The following SIM1 variants were observed in gnomAD, a reference collection of about 807,000 sequenced individuals.
SIM1 encodes single-minded homolog 1.
SIM1 carries 18 observed loss-of-function variants against 78.2 expected under a neutral mutation model. That is an observed-to-expected ratio of 0.23 (90% CI 0.16 to 0.34). SIM1 has a LOEUF of 0.34. Ranked by LOEUF, SIM1 falls within the 10% of genes least tolerant of loss-of-function variation. The probability of loss-of-function intolerance (pLI) is 1.00; values close to 1 mark genes in which losing one functional copy is unlikely to be tolerated. For synonymous variants in SIM1, 417 were observed against 385.2 expected, an observed-to-expected ratio of 1.08 and a Z score of -0.97; for missense variants, 939 against 975.1, an observed-to-expected ratio of 0.96 and a Z score of 0.49.
intron 11 of SIM1, 138 bp downstream of exon 11, chr6:100,393,348 AC>A (rs1466806764): frequency 1.5e-5 from 11 of 720,448 alleles, no homozygotes; most frequent in Non-Finnish European, 2.2e-5. Flanking sequence ...AACTGAGTGA[AC>A]TTTGTTTTTA....
At chr6:100,407,775 C>T (rs1201733832) in intron 10 of SIM1, among the ~76,000 whole-genome samples, 2 of 152,054 alleles carry the variant, frequency 1.3e-5, no homozygotes, top group East Asian at 1.9e-4. Context: ...AGGTCCTTTG[C>T]TCATTTTTAA....
At chr6:100,433,738 ACC>A (rs1491445991) in intron 9 of SIM1, among the ~76,000 whole-genome samples, 2 of 41,346 alleles carry the variant, frequency 4.8e-5, no homozygotes, top group East Asian at 1.0e-3. Context: ...CCACCCCCCC[ACC>A]CACACACACA....
chr6:100,450,694 T>TCA (rs778944750), intron 3 of SIM1, among the ~76,000 whole-genome samples: 162 of 93,316 alleles, frequency 1.7e-3, no homozygotes, highest in East Asian at 0.015. Context: ...TCTCTCTCTC[T>TCA]CTCACACACA....
intron 10 of SIM1, among the ~76,000 whole-genome samples, chr6:100,409,472 T>C (rs543292778): frequency 3.9e-4 from 59 of 152,158 alleles, no homozygotes; most frequent in Admixed American, 1.2e-3. Context: ...ATTATGTTGA[T>C]CTTCTCAAAA....
rs1770530729 is a variant in SIM1, at chr6:100,387,140, TATC to T, written c.*3218_*3220del. 1 of 152,078 alleles carries T rather than the reference TATC, an allele frequency of 6.6e-6. No homozygotes were observed. The highest frequency in any genetic ancestry group is 2.4e-5 in the African/African-American group (1 of 41,452). The allele number at this position is 152,078 out of a possible 1,614,324, so 9.4% of individuals were successfully genotyped here. A position where few individuals can be genotyped will look rare whatever the true frequency, so the allele number is the denominator to read the frequency against. ...GAATTCTACAAAACCATGAGCTATG[TATC>T]ATCTAATGAATTGATACATATTATA... On this transcript the variant is annotated 3_prime_UTR_variant, in exon 12 of 12. Coordinates refer to ENST00000369208, the MANE Select transcript of SIM1 (RefSeq NM_005068.3).
At chr6:100,419,346 T>C (rs1771501572) in intron 10 of SIM1, among the ~76,000 whole-genome samples, 1 of 152,188 alleles carries the variant, frequency 6.6e-6, no homozygotes, top group East Asian at 1.9e-4. Context: ...TGGAAGACCA[T>C]GTGACATAAG....
At chr6:100,453,582 T>G (rs1468061371) in intron 3 of SIM1, among the ~76,000 whole-genome samples, 180 bp downstream of exon 3, 1 of 152,026 alleles carries the variant, frequency 6.6e-6, no homozygotes, top group East Asian at 1.9e-4. Context: ...AAGCTAAAAT[T>G]TTACTTTGCA....
chr6:100,421,166 C>T (rs560261457), intron 9 of SIM1, among the ~76,000 whole-genome samples: 7 of 151,916 alleles, frequency 4.6e-5, no homozygotes, highest in East Asian at 3.9e-4. Flanking sequence ...CATTTTTTTT[C>T]GTTAAGTGGA....
intron 2 of SIM1, among the ~76,000 whole-genome samples, chr6:100,457,207 G>A (rs917427938): frequency 4.5e-4 from 69 of 152,224 alleles, no homozygotes; most frequent in African/African-American, 1.6e-3. Context: ...CGTGTGTTCT[G>A]TTCTTTTAAA....
chr6:100,417,539 TACAA>T (rs1006363608), intron 10 of SIM1, among the ~76,000 whole-genome samples: 15 of 152,328 alleles, frequency 9.8e-5, no homozygotes, highest in Admixed American at 9.2e-4. Context: ...CTTAACAGTA[TACAA>T]ACAATTTGGA....
rs1772901903 is a variant in SIM1, at chr6:100,463,278, G to A, written c.175+16C>T. Reference sequence around the variant, plus strand: ...CCCTTCTGCCTTTGAAATTCCATCTGGGCAAAGTCACTTACCTTCTGGGAA... The same window carrying A: ...CCCTTCTGCCTTTGAAATTCCATCTAGGCAAAGTCACTTACCTTCTGGGAA... On this transcript the variant is annotated intron_variant, in intron 2 of 11. Coordinates refer to ENST00000369208, the MANE Select transcript of SIM1 (RefSeq NM_005068.3). The A allele has an allele frequency of 6.3e-7, 1 of 1,594,156 alleles. No homozygotes were observed. Among genetic ancestry groups the A allele is most frequent in the East Asian group, 2.3e-5 (1 of 44,360 alleles).
At chr6:100,449,341 A>G in intron 6 of SIM1, 22 bp downstream of exon 6, 1 of 1,600,818 alleles carries the variant, frequency 6.2e-7, no homozygotes, top group South Asian at 1.1e-5. Context: ...CTCCACCCGG[A>G]GCGGATCTTC....
chr6:100,453,657 T>G (rs2114547804), intron 3 of SIM1, 105 bp downstream of exon 3: 72 of 854,190 alleles, frequency 8.4e-5, no homozygotes, highest in East Asian at 2.0e-4. Flanking sequence ...GGGGGGTTGT[T>G]TGTTTTTTTT....
chr6:100,420,925 C>G lies in SIM1; in HGVS notation c.1032G>C (p.Leu344=), dbSNP rs930385682. 1.9e-6 allele frequency: 3 copies of G among 1,613,680 alleles called. No individual in the cohort carries two copies. The highest frequency in any genetic ancestry group is 2.5e-6 in the Non-Finnish European group (3 of 1,179,928). Residue 344 remains leucine (L), a synonymous_variant, in exon 10 of 12, where the codon CTG becomes CTC. Transcript: ENST00000369208. ...CTGGTTTGGAGGCTGAGATCTGATC[C>G]AGGGAGAGCTGCAGCCCTTTGTATT... ...DTEYKGLQLS[L]DQISASKPAF...
intron 10 of SIM1, among the ~76,000 whole-genome samples, chr6:100,398,178 A>G (rs984266832): frequency 1.3e-5 from 2 of 152,166 alleles, no homozygotes; most frequent in Admixed American, 1.3e-4. Context: ...TAAAAACTAT[A>G]TTCATATAAA....
intron 2 of SIM1, among the ~76,000 whole-genome samples, chr6:100,455,126 G>A (rs1386619376): frequency 6.6e-6 from 1 of 152,142 alleles, no homozygotes; most frequent in Admixed American, 6.5e-5. Context: ...TGTTGGCTAG[G>A]AGCTGCTTCC....
At position 100,388,282 on chromosome 6, in the gene SIM1, T is replaced by C. The variant is rs1770556820; in HGVS notation, c.*2079A>G. The C allele has an allele frequency of 6.6e-6, 1 of 152,174 alleles. No individual in the cohort carries two copies. The highest frequency in any genetic ancestry group is 1.5e-5 in the Non-Finnish European group (1 of 68,012). 9.4% of individuals were successfully genotyped at this position (152,174 alleles called of 1,614,324 possible). A position where few individuals can be genotyped will look rare whatever the true frequency, so the allele number is the denominator to read the frequency against. ...CTGTTGGCCCTGTGGCGCTCACTTA[T>C]ACAAAACATCGCCCTCTGTATACTC... On this transcript the variant is annotated 3_prime_UTR_variant, in exon 12 of 12. Coordinates refer to ENST00000369208, the MANE Select transcript of SIM1 (RefSeq NM_005068.3).
At chr6:100,456,054 C>T (rs1017547656) in intron 2 of SIM1, among the ~76,000 whole-genome samples, 4 of 152,250 alleles carry the variant, frequency 2.6e-5, no homozygotes, top group African/African-American at 7.2e-5. Context: ...GCCCCACCCC[C>T]GCCACCTTTT....
At chr6:100,463,142 AG>A in intron 2 of SIM1, 151 bp downstream of exon 2, 2 of 614,158 alleles carry the variant, frequency 3.3e-6, no homozygotes, top group East Asian at 5.6e-5. Context: ...GAGTTCAGTG[AG>A]GACCTTAGTG....
Sources: allele counts gnomAD v4.1 joint callset (sites outside exome capture counted in the v4.1 genomes callset), GRCh38; gene constraint gnomAD v4.1.1; transcripts MANE v1.5; gene names NCBI Gene and HGNC (gene_info 2026-07-23, HGNC 2026-07-21).